The following USP39 variants were observed in gnomAD, a reference collection of about 807,000 sequenced individuals.
USP39 encodes ubiquitin specific peptidase 39, also known as ubiquitin carboxyl-terminal hydrolase 39.
In USP39, 38 loss-of-function variants were observed where a neutral mutation model predicts 66.4. The observed-to-expected ratio is 0.57, with a 90% CI of 0.44 to 0.75. USP39 has a LOEUF of 0.75. Ranked by LOEUF, USP39 falls within the 30% of genes least tolerant of loss-of-function variation. USP39 has a pLI of 0.00. For synonymous variants in USP39, 303 were observed against 274.6 expected, an observed-to-expected ratio of 1.10 and a Z score of -1.02; for missense variants, 608 against 714.4, an observed-to-expected ratio of 0.85 and a Z score of 1.70.
chr2:85,612,117 TG>T, upstream of USP39: 1 of 937,496 alleles, frequency 1.1e-6, no homozygotes, highest in Non-Finnish European at 1.5e-6. Flanking sequence ...GGCCCCGGCC[TG>T]GCCAAGCGAT....
At chr2:85,619,787 T>C (rs560454101) in intron 2 of USP39, among the ~76,000 whole-genome samples, 8 of 152,158 alleles carry the variant, frequency 5.3e-5, no homozygotes, top group Admixed American at 2.0e-4. Flanking sequence ...CTCAGCCCTT[T>C]GGCAGGCCAA....
intron 11 of USP39, among the ~76,000 whole-genome samples, chr2:85,647,490 C>A (rs956699396): frequency 6.7e-6 from 1 of 150,016 alleles, no homozygotes; most frequent in Non-Finnish European, 1.5e-5. Context: ...ACAGTGGGAC[C>A]CCATTGCTAT....
chr2:85,643,644 T>A (rs1160634974), intron 10 of USP39, among the ~76,000 whole-genome samples: 1 of 129,680 alleles, frequency 7.7e-6, no homozygotes, highest in Non-Finnish European at 1.6e-5. Context: ...AGGACTCATA[T>A]CTCCTTTTTT....
intron 2 of USP39, 97 bp from the exon 3 acceptor site, chr2:85,621,388 G>A: frequency 4.0e-6 from 4 of 989,712 alleles, no homozygotes; most frequent in Non-Finnish European, 6.3e-6. Context: ...TCTGAAGGAT[G>A]TTATGTGGTA....
At position 85,645,096 on chromosome 2, in the gene USP39, T is replaced by C. The variant is rs752608119; in HGVS notation, c.1563+13T>C. 1 of 1,614,062 alleles carries C rather than the reference T, an allele frequency of 6.2e-7. No homozygotes were observed. Among genetic ancestry groups the C allele is most frequent in the Non-Finnish European group, 8.5e-7 (1 of 1,179,956 alleles). On this transcript the variant is annotated intron_variant, in intron 11 of 12. Transcript: ENST00000323701. Reference sequence around the variant, plus strand: ...CGTGCTTCATCATGTGAGTGGCTGCTGACCGTCTCATGGCACAGAGTGGCA... The same window carrying C: ...CGTGCTTCATCATGTGAGTGGCTGCCGACCGTCTCATGGCACAGAGTGGCA...
chr2:85,621,395 G>T, intron 2 of USP39, 90 bp from the exon 3 acceptor site: 1 of 1,039,418 alleles, frequency 9.6e-7, no homozygotes, highest in Non-Finnish European at 1.5e-6. Context: ...GATGTTATGT[G>T]GTATCATGGG....
upstream of USP39, chr2:85,608,773 A>G (rs1673317113): frequency 4.7e-6 from 3 of 636,806 alleles, no homozygotes; most frequent in South Asian, 3.2e-5. Flanking sequence ...AACATATAAG[A>G]AAGAATGACT....
intron 5 of USP39, among the ~76,000 whole-genome samples, chr2:85,629,968 TA>T (rs942248325): frequency 3.3e-5 from 5 of 149,970 alleles, no homozygotes; most frequent in Non-Finnish European, 5.9e-5. Flanking sequence ...TCTCCAAAAA[TA>T]AAAAAAAAAT....
At chr2:85,644,818 T>C (rs761334909) in intron 10 of USP39, 130 bp from the exon 11 acceptor site, 22 of 1,249,888 alleles carry the variant, frequency 1.8e-5, no homozygotes, top group Non-Finnish European at 2.4e-5. Context: ...CCTTCTTGAC[T>C]CTGCAAGCCT....
At chr2:85,637,261 C>T in intron 7 of USP39, 108 bp from the exon 8 acceptor site, 1 of 1,198,960 alleles carries the variant, frequency 8.3e-7, no homozygotes, top group East Asian at 2.4e-5. Context: ...AGCTCTGTGT[C>T]TTTTGCTGGA....
At chr2:85,629,664 T>G (rs1253729973) in intron 5 of USP39, among the ~76,000 whole-genome samples, 1 of 150,750 alleles carries the variant, frequency 6.6e-6, no homozygotes, top group Non-Finnish European at 1.5e-5. Context: ...GCCCTGCTAA[T>G]TTTTGTATTT....
chr2:85,640,734 CAGTGAT>C (rs1676170877), intron 9 of USP39, among the ~76,000 whole-genome samples: 1 of 147,356 alleles, frequency 6.8e-6, no homozygotes, highest in Non-Finnish European at 1.5e-5. Flanking sequence ...CGGCCTCCTA[CAGTGAT>C]AGGATTATAG....
rs565694235 is a variant in USP39 at position 85,627,919 on chromosome 2, C to T, written c.723+2228C>T. Among the ~76,000 whole-genome samples the T allele has an allele frequency of 2.6e-5, 4 of 152,162 alleles. No individual in the cohort carries two copies. In the South Asian group the frequency reaches 8.3e-4, roughly 32 times the overall value. Reference sequence around the variant, plus strand: ...TAAGAAATATATGATAAAGTTCTTCCCTTTTCTGTTGCATATGTTGCACAT... The same window carrying T: ...TAAGAAATATATGATAAAGTTCTTCTCTTTTCTGTTGCATATGTTGCACAT... On this transcript the variant is annotated intron_variant, in intron 5 of 12. Coordinates refer to ENST00000323701, the MANE Select transcript of USP39 (RefSeq NM_006590.4).
chr2:85,647,664 A>C (rs1392128812), intron 11 of USP39, among the ~76,000 whole-genome samples: 1 of 151,968 alleles, frequency 6.6e-6, no homozygotes, highest in Non-Finnish European at 1.5e-5. Flanking sequence ...GTCTCAAAAA[A>C]AAAAAAAAAC....
At chr2:85,624,962 T>TAAAAAAAAAAA (rs11370666) in intron 4 of USP39, among the ~76,000 whole-genome samples, 1 of 137,412 alleles carries the variant, frequency 7.3e-6, no homozygotes, top group African/African-American at 2.6e-5. Context: ...AAACTCCATC[T>TAAAAAAAAAAA]AAAAAAAAAA....
At position 85,632,790 on chromosome 2, in the gene USP39, C is replaced by T. The variant is rs1244884069; in HGVS notation, c.949+1844C>T. Among the ~76,000 whole-genome samples the T allele has an allele frequency of 2.0e-5, 3 of 152,044 alleles. No individual in the cohort carries two copies. In the East Asian group the frequency reaches 5.8e-4, roughly 29 times the overall value. On this transcript the variant is annotated intron_variant, in intron 6 of 12. Transcript: ENST00000323701. ...AAAAGGTAATTACAGGTGTTAAGTG[C>T]TGTGCTATGGGAGGGGAGCATGGAG...
In USP39 at chr2:85,636,072, G is replaced by C. The variant is rs777950973; in HGVS notation, c.969G>C (p.Leu323=). The C allele has an allele frequency of 1.9e-6, 3 of 1,614,090 alleles. No individual in the cohort carries two copies. The highest frequency in any genetic ancestry group is 2.5e-6 in the Non-Finnish European group (3 of 1,180,016). Residue 323 remains leucine, a synonymous_variant, in exon 7 of 13, where the codon CTG becomes CTC. Coordinates refer to ENST00000323701, the MANE Select transcript of USP39 (RefSeq NM_006590.4). The stretch of plus-strand genomic sequence containing the variant: ...TTCCAGGAGATGGCGTTGACTTTCT[G>C]TCTTGGTTTCTGAATGCTCTGCACT... ...ITKQGDGVDF[L]SWFLNALHSA... is the part of the protein sequence containing the mutation.
intron 9 of USP39, 122 bp from the exon 10 acceptor site, chr2:85,640,854 T>A: frequency 1.4e-6 from 1 of 709,374 alleles, no homozygotes; most frequent in Non-Finnish European, 2.2e-6. Flanking sequence ...GGACCAGGAG[T>A]CTTGTGAACT....
chr2:85,617,887 C>T (rs963729943), intron 1 of USP39, among the ~76,000 whole-genome samples: 6 of 151,702 alleles, frequency 4.0e-5, no homozygotes, highest in African/African-American at 7.3e-5. Flanking sequence ...TGTTAGCTTG[C>T]GAGTAGGGTA....
Sources: gnomAD v4.1 joint callset for allele counts (sites outside exome capture counted in the v4.1 genomes callset) on GRCh38, gnomAD v4.1.1 for gene constraint, MANE v1.5 for transcripts, NCBI Gene and HGNC (gene_info 2026-07-23, HGNC 2026-07-21) for gene names.